The following CACNA1A variants were observed in gnomAD, a reference collection of about 807,000 sequenced individuals.
CACNA1A encodes voltage-dependent P/Q-type calcium channel subunit alpha-1A.
In CACNA1A, 57 loss-of-function variants were observed where a neutral mutation model predicts 262.4. That is an observed-to-expected ratio of 0.22 (90% CI 0.18 to 0.27). The LOEUF is 0.27. Ranked by LOEUF, CACNA1A falls within the 10% of genes least tolerant of loss-of-function variation. CACNA1A has a pLI of 1.00. For missense variants in CACNA1A, 2,526 were observed against 3,562.8 expected, an observed-to-expected ratio of 0.71 and a Z score of 7.41; for synonymous variants, 1,431 against 1,419.3, an observed-to-expected ratio of 1.01 and a Z score of -0.18.
chr19:13,264,160 C>T (rs1250983610), intron 24 of CACNA1A, among the ~76,000 whole-genome samples: 1 of 152,178 alleles, frequency 6.6e-6, no homozygotes, highest in Non-Finnish European at 1.5e-5. Flanking sequence ...CCAACCATGA[C>T]TCAGGCCCCC....
intron 15 of CACNA1A, among the ~76,000 whole-genome samples, chr19:13,305,733 G>A (rs2057885990): frequency 6.6e-6 from 1 of 152,180 alleles, no homozygotes; most frequent in Non-Finnish European, 1.5e-5. Context: ...GAACCTCTGA[G>A]CTAAAGATAC....
chr19:13,431,298 G>C (rs1026102076), intron 3 of CACNA1A, among the ~76,000 whole-genome samples: 2 of 152,046 alleles, frequency 1.3e-5, no homozygotes, highest in Non-Finnish European at 2.9e-5. Flanking sequence ...CTGGACCGGG[G>C]TGGGGCTGTG....
Position 13,257,509 on chromosome 19 carries a change from G to A in CACNA1A, c.4431C>T (p.Gly1477=). The A allele has an allele frequency of 1.2e-6, 2 of 1,601,214 alleles. No homozygotes were observed. The highest frequency in any genetic ancestry group is 1.7e-6 in the Non-Finnish European group (2 of 1,173,372). Residue 1477 remains glycine, a synonymous_variant, in exon 28 of 47, where the codon GGC becomes GGT. Coordinates refer to ENST00000360228, the MANE Select transcript of CACNA1A (RefSeq NM_001127222.2). ...HSVDATFENQ[G]PSPGYRMEMS... ...TCTCCATGCGGTACCCGGGGCTGGG[G>A]CCCTGGTTCTCAAAGGTGGCGTCCA...
rs566100712 is a variant in CACNA1A, at chr19:13,376,863, A to T, written c.540-5084T>A. Among the ~76,000 whole-genome samples the T allele has an allele frequency of 2.1e-5, 3 of 144,814 alleles. No homozygotes were observed. In the South Asian group the frequency reaches 6.3e-4, roughly 31 times the overall value. ...ATGTGATATATAACACATATGTTAT[A>T]TGTGATATATATAACACATGATATA... On this transcript the variant is annotated intron_variant, in intron 3 of 46. Transcript: ENST00000360228.
At position 13,506,316 on chromosome 19, in the gene CACNA1A, C is replaced by T. The variant is rs1983040939; in HGVS notation, c.-92G>A. On this transcript the variant is annotated 5_prime_UTR_variant, in exon 1 of 47. Transcript: ENST00000360228. ...CCGCCGCCGCTGATGCTGAGGCTGC[C>T]GGGGCTGGGAGCGCGGCGGCTGGAG... 8.3e-7 allele frequency: 1 copy of T among 1,199,088 alleles called. No homozygotes were observed. Among genetic ancestry groups the T allele is most frequent in the Admixed American group, 3.8e-5 (1 of 26,148 alleles). The allele number at this position is 1,199,088 out of a possible 1,614,324, so 74.3% of individuals were successfully genotyped here.
intron 3 of CACNA1A, among the ~76,000 whole-genome samples, chr19:13,384,447 C>T (rs1285565076): frequency 2.0e-5 from 3 of 152,168 alleles, no homozygotes; most frequent in Non-Finnish European, 2.9e-5. Context: ...CCTGTAATCT[C>T]AGCACTTTGA....
intron 19 of CACNA1A, among the ~76,000 whole-genome samples, chr19:13,294,183 A>C (rs2057607832): frequency 6.7e-6 from 1 of 149,218 alleles, no homozygotes; most frequent in Non-Finnish European, 1.5e-5. Flanking sequence ...CAACCTGGGC[A>C]ACAGAGCAAG....
intron 38 of CACNA1A, among the ~76,000 whole-genome samples, chr19:13,221,863 T>A (rs571991416): frequency 7.9e-5 from 12 of 152,050 alleles, no homozygotes; most frequent in Admixed American, 2.0e-4. Flanking sequence ...TGATGGAGAG[T>A]GAGCCCTGAG....
chr19:13,375,907 A>G (rs2059397537), intron 3 of CACNA1A, among the ~76,000 whole-genome samples: 1 of 152,216 alleles, frequency 6.6e-6, no homozygotes, highest in Non-Finnish European at 1.5e-5. Context: ...CATGAATGAT[A>G]AGAAAGTAAG....
chr19:13,363,309 T>C (rs920498478), intron 5 of CACNA1A: 2 of 86,562 alleles, frequency 2.3e-5, no homozygotes, highest in African/African-American at 7.2e-5. Flanking sequence ...TGCCCCATAT[T>C]CATTCTCTCT....
At chr19:13,437,939 A>C (rs1435165975) in intron 3 of CACNA1A, among the ~76,000 whole-genome samples, 1 of 152,078 alleles carries the variant, frequency 6.6e-6, no homozygotes, top group East Asian at 1.9e-4. Flanking sequence ...CATGGCAGAC[A>C]AGAAATCTCT....
Position 13,212,211 on chromosome 19 carries a change from C to T in CACNA1A, c.6195G>A (p.Val2065=), listed in dbSNP as rs374573123. The T allele has an allele frequency of 1.9e-6, 3 of 1,613,484 alleles. No individual in the cohort carries two copies. Among genetic ancestry groups the T allele is most frequent in the African/African-American group, 1.3e-5 (1 of 74,932 alleles). The change falls in exon 43 of 47, where the codon GTG becomes GTA. Residue 2065 remains valine (V), a synonymous_variant. Transcript: ENST00000360228. This position sits in a 1 kb window ranked among gnomAD's most constrained non-coding sequence, Gnocchi z 5.6. The part of the protein sequence containing the change: ...MPNSQPNSQS[V]EMREMGRDGY... The stretch of plus-strand genomic sequence containing the variant: ...CATCTCTGCCCATCTCTCGCATCTC[C>T]ACGGACTGCGGAGCAGATGGCAAAG...
In CACNA1A at chr19:13,275,873, C is replaced by G; in HGVS notation, c.3966G>C (p.Gly1322=). The G allele has an allele frequency of 6.2e-7, 1 of 1,613,570 alleles. No homozygotes were observed. The highest frequency in any genetic ancestry group is 1.1e-5 in the South Asian group (1 of 91,064). Reference sequence around the variant, plus strand: ...ACGTGAAGGCAAAGGCTACCAGGGCCCCACTGACCACTATGAAGTCGAGAA... The same window carrying G: ...ACGTGAAGGCAAAGGCTACCAGGGCGCCACTGACCACTATGAAGTCGAGAA... ...WNILDFIVVS[G]ALVAFAFTGN... The change falls in exon 24 of 47, where the codon GGG becomes GGC. Residue 1322 remains glycine (G), a synonymous_variant. Transcript: ENST00000360228.
At position 13,209,454 on chromosome 19, in the gene CACNA1A, C is replaced by T; in HGVS notation, c.6384G>A (p.Leu2128=). The T allele has an allele frequency of 2.2e-6, 3 of 1,367,858 alleles. No homozygotes were observed. Among genetic ancestry groups the T allele is most frequent in the Non-Finnish European group, 2.8e-6 (3 of 1,055,294 alleles). 84.7% of individuals were successfully genotyped at this position (1,367,858 alleles called of 1,614,324 possible). A position where few individuals can be genotyped will look rare whatever the true frequency, so the allele number is the denominator to read the frequency against. Residue 2128 remains leucine (L), a synonymous_variant, in exon 45 of 47, where the codon CTG becomes CTA. Transcript: ENST00000360228. ...TSPMKRSASV[L]GPKARRLDDY... ...CGTCCAGGCGTCGGGCCTTGGGGCCCAGCACGGAGGCTGAACGCTTCATGG... is the reference window on the plus strand; with the variant it reads ...CGTCCAGGCGTCGGGCCTTGGGGCCTAGCACGGAGGCTGAACGCTTCATGG...
chr19:13,437,262 TTGAAGA>T (rs1422237589), intron 3 of CACNA1A, among the ~76,000 whole-genome samples: 1 of 152,180 alleles, frequency 6.6e-6, no homozygotes, highest in Admixed American at 6.5e-5. Flanking sequence ...GTGAGAAGGT[TTGAAGA>T]TGATAAGCTA....
At chr19:13,306,244 A>C (rs1205356872) in intron 15 of CACNA1A, among the ~76,000 whole-genome samples, 1 of 152,176 alleles carries the variant, frequency 6.6e-6, no homozygotes, top group Non-Finnish European at 1.5e-5. Flanking sequence ...AGATGCTCTG[A>C]AGGTCCCGGC....
rs796514314 is a variant in CACNA1A, at chr19:13,368,338, C to CTT, written c.632-2871_632-2870dup. The stretch of plus-strand genomic sequence containing the variant: ...TTAGTATTTCTCTGCCTATCATTGG[C>CTT]TTTTTTTTTTTTTTGAGATGGGCTT... On this transcript the variant is annotated intron_variant, in intron 4 of 46. Coordinates refer to ENST00000360228, the MANE Select transcript of CACNA1A (RefSeq NM_001127222.2). Among the ~76,000 whole-genome samples, 225 of 140,694 alleles carry CTT rather than the reference C, an allele frequency of 1.6e-3. 1 individual carries two copies. The highest frequency in any genetic ancestry group is 5.4e-3 in the African/African-American group (209 of 38,676). The allele number at this position is 140,694 out of a possible 152,430, so 92.3% of individuals were successfully genotyped here. A position where few individuals can be genotyped will look rare whatever the true frequency, so the allele number is the denominator to read the frequency against.
At chr19:13,278,801 G>A (rs1249123551) in intron 22 of CACNA1A, among the ~76,000 whole-genome samples, 1 of 152,200 alleles carries the variant, frequency 6.6e-6, no homozygotes, top group Non-Finnish European at 1.5e-5. Flanking sequence ...GATCTGTGTG[G>A]TTATAACTTA....
intron 1 of CACNA1A, among the ~76,000 whole-genome samples, chr19:13,461,665 C>T (rs1156806960): frequency 6.6e-6 from 1 of 152,206 alleles, no homozygotes; most frequent in Non-Finnish European, 1.5e-5. Flanking sequence ...ATGCCTGATC[C>T]TCCCGATTTA....
Sources: allele counts gnomAD v4.1 joint callset (sites outside exome capture counted in the v4.1 genomes callset), GRCh38; gene constraint gnomAD v4.1.1; non-coding constraint Gnocchi (gnomAD v3.1); transcripts MANE v1.5; gene names NCBI Gene and HGNC (gene_info 2026-07-23, HGNC 2026-07-21).